Variants in DIAPH3 observed in about 807,000 individuals in gnomAD.
DIAPH3 encodes the protein diaphanous related formin 3, also known as protein diaphanous homolog 3.
DIAPH3 carries 117 observed loss-of-function variants against 144.3 expected under a neutral mutation model. That is an observed-to-expected ratio of 0.81 (90% confidence interval 0.70 to 0.95). The LOEUF (loss-of-function observed/expected upper bound fraction) is 0.95, where lower values mean the gene tolerates loss of function less well. DIAPH3 is among the 40% of genes least tolerant of loss of function. The pLI, the probability that DIAPH3 is intolerant of heterozygous loss-of-function variation, is 0.00. For synonymous variants in DIAPH3, 519 were observed against 488.9 expected (o/e 1.06, Z -0.81); for missense variants, 1,421 against 1,412.7 (o/e 1.01, Z -0.09).
intron 4 of DIAPH3, among the ~76,000 whole-genome samples, chr13:60,067,293 A>G (rs971319941): frequency 6.6e-6 from 1 of 152,146 alleles, no homozygotes; most frequent in Non-Finnish European, 1.5e-5. Flanking sequence ...TCAAAAAAAA[A>G]AAAGAAAGAA....
intron 27 of DIAPH3, among the ~76,000 whole-genome samples, chr13:59,675,605 C>T (rs149766399): frequency 1.9e-3 from 285 of 152,196 alleles, no homozygotes; most frequent in African/African-American, 6.4e-3. Flanking sequence ...AGGATGGTCT[C>T]GATCTCCTGA....
intron 21 of DIAPH3, among the ~76,000 whole-genome samples, chr13:59,867,162 T>C (rs1047365491): frequency 6.6e-6 from 1 of 150,876 alleles, no homozygotes; most frequent in African/African-American, 2.4e-5. Flanking sequence ...CAAATGGCAA[T>C]GAAAATCTTG....
At chr13:60,129,221 C>G (rs1437755887) in intron 2 of DIAPH3, among the ~76,000 whole-genome samples, 1 of 152,134 alleles carries the variant, frequency 6.6e-6, no homozygotes, top group Non-Finnish European at 1.5e-5. Flanking sequence ...CCTGTCTCCC[C>G]TCACTCCCCC....
intron 9 of DIAPH3, among the ~76,000 whole-genome samples, chr13:60,003,550 TATAG>T (rs533809048): frequency 1.2e-4 from 18 of 150,272 alleles, no homozygotes; most frequent in South Asian, 2.1e-4. Flanking sequence ...TCTATCTATA[TATAG>T]ATAGATAGAT....
intron 1 of DIAPH3, among the ~76,000 whole-genome samples, chr13:60,161,621 C>G (rs555397527): frequency 7.2e-5 from 11 of 152,296 alleles, no homozygotes; most frequent in Non-Finnish European, 1.5e-4. Flanking sequence ...TCTCTGGAAT[C>G]CTACAGGTGA....
At chr13:59,949,993 G>A (rs1307585831) in intron 17 of DIAPH3, among the ~76,000 whole-genome samples, 1 of 152,060 alleles carries the variant, frequency 6.6e-6, no homozygotes, top group Non-Finnish European at 1.5e-5. Flanking sequence ...AATGCCCTTG[G>A]TAATAAAAGT....
chr13:59,793,897 A>C (rs1470936593), intron 25 of DIAPH3, among the ~76,000 whole-genome samples: 3 of 152,186 alleles, frequency 2.0e-5, no homozygotes, highest in Admixed American at 2.0e-4. Context: ...TACTCACTAG[A>C]CATGGTAACC....
chr13:60,124,824 G>C (rs1191664199), intron 2 of DIAPH3, among the ~76,000 whole-genome samples: 1 of 151,516 alleles, frequency 6.6e-6, no homozygotes, highest in African/African-American at 2.4e-5. Context: ...GACAAAGCGA[G>C]ACCCTGTCTC....
intron 4 of DIAPH3, among the ~76,000 whole-genome samples, chr13:60,056,449 C>T (rs917109169): frequency 6.6e-6 from 1 of 151,676 alleles, no homozygotes; most frequent in African/African-American, 2.4e-5. Context: ...TGTACATATA[C>T]ACATATCACA....
chr13:60,015,846 T>C, intron 7 of DIAPH3, 67 bp downstream of exon 7: 2 of 1,358,142 alleles, frequency 1.5e-6, no homozygotes, highest in South Asian at 1.2e-5. Flanking sequence ...ACCATCACTT[T>C]ACTGCAACTG....
chr13:60,141,273 T>C (rs923351222), intron 1 of DIAPH3, among the ~76,000 whole-genome samples: 4 of 152,008 alleles, frequency 2.6e-5, no homozygotes, highest in African/African-American at 9.7e-5. Flanking sequence ...ATATAAGAAA[T>C]AAAAGATAAA....
chr13:59,888,844 C>G (rs2045612114), intron 20 of DIAPH3, among the ~76,000 whole-genome samples: 1 of 151,768 alleles, frequency 6.6e-6, no homozygotes, highest in Admixed American at 6.6e-5. Flanking sequence ...TTTAAGACAT[C>G]CATTAGATAG....
chr13:59,831,633 C>G (rs1352470347), intron 24 of DIAPH3, among the ~76,000 whole-genome samples: 2 of 151,772 alleles, frequency 1.3e-5, no homozygotes, highest in Non-Finnish European at 2.9e-5. Context: ...CCCAGGGCCC[C>G]AGGTAGACAA....
At chr13:60,087,636 A>C (rs543445609) in intron 4 of DIAPH3, among the ~76,000 whole-genome samples, 1 of 152,314 alleles carries the variant, frequency 6.6e-6, no homozygotes, top group Non-Finnish European at 1.5e-5. Context: ...GCGTTCAAAG[A>C]ATAAAAACTT....
intron 17 of DIAPH3, among the ~76,000 whole-genome samples, chr13:59,947,055 GA>G (rs1311193645): frequency 1.3e-5 from 2 of 152,150 alleles, no homozygotes; most frequent in African/African-American, 2.4e-5. Context: ...ACATTCATAG[GA>G]AAGAATGCAG....
intron 27 of DIAPH3, among the ~76,000 whole-genome samples, chr13:59,757,170 A>G (rs7336827): frequency 0.34 from 51,912 of 151,920 alleles, 9,351 homozygotes; most frequent in African/African-American, 0.44. Context: ...TGTTATTGAG[A>G]ATTAGATGAA....
At chr13:60,078,837 G>C (rs991065221) in intron 4 of DIAPH3, among the ~76,000 whole-genome samples, 3 of 151,818 alleles carry the variant, frequency 2.0e-5, no homozygotes, top group African/African-American at 7.3e-5. Flanking sequence ...AATGGGGTGA[G>C]AGACCTAAAA....
chr13:59,704,804 G>A (rs970929061), intron 27 of DIAPH3, among the ~76,000 whole-genome samples: 8 of 152,082 alleles, frequency 5.3e-5, no homozygotes, highest in African/African-American at 1.9e-4. Context: ...TATTATGTTC[G>A]CATGACAACG....
chr13:59,946,405 C>T (rs1171160509), intron 17 of DIAPH3, among the ~76,000 whole-genome samples: 1 of 152,042 alleles, frequency 6.6e-6, no homozygotes, highest in East Asian at 1.9e-4. Flanking sequence ...AAAAAACCTC[C>T]CGAACACTAC....
Sources: gnomAD v4.1 joint callset for allele counts (sites outside exome capture counted in the v4.1 genomes callset) on GRCh38, gnomAD v4.1.1 for gene constraint, MANE v1.5 for transcripts, NCBI Gene and HGNC (gene_info 2026-07-23, HGNC 2026-07-21) for gene names.